Variants in SANBR observed in about 807,000 individuals in gnomAD.
SANBR encodes the protein SANT and BTB domain regulator of class switch recombination.
SANBR carries 77 observed loss-of-function variants against 101.8 expected under a neutral mutation model. That is an observed-to-expected ratio of 0.76 (90% CI 0.63 to 0.91). SANBR has a LOEUF of 0.91. SANBR is among the 40% of genes least tolerant of loss of function. The probability of loss-of-function intolerance (pLI) is 0.00; values close to 1 mark genes in which losing one functional copy is unlikely to be tolerated. For missense variants in SANBR, 875 were observed against 853.0 expected (o/e 1.03, Z -0.32); for synonymous variants, 279 against 274.7 (o/e 1.02, Z -0.15).
At chr2:61,134,153 C>T (rs1684773141) in exon 21 of SANBR, 1 of 1,613,852 alleles carries the variant, frequency 6.2e-7, no homozygotes, top group African/African-American at 1.3e-5. Flanking sequence ...AAACTGAGAC[C>T]CAGAGACGGC....
At position 61,083,160 on chromosome 2, in the gene SANBR, C is replaced by T. The variant is rs762864081; in HGVS notation, c.736C>T (p.Gln246Ter). Residue 246 changes from glutamine (Q) to a stop codon, truncating the protein, a stop_gained, in exon 8 of 22, where the codon CAG becomes TAG. Transcript: ENST00000402291. LOFTEE classifies it high-confidence loss of function. ...EFLKMDSLVE[Q>*]CIQYCHKNMN... ...ATTTTCTATGATTTTTTAGGTTGAA[C>T]AGTGTATTCAGTATTGCCACAAAAA... is the stretch of plus-strand genomic sequence containing the variant. The T allele has an allele frequency of 1.9e-6, 3 of 1,604,988 alleles. No homozygotes were observed. Among genetic ancestry groups the T allele is most frequent in the East Asian group, 4.5e-5 (2 of 44,750 alleles).
At chr2:61,115,804 C>T in intron 16 of SANBR, 175 bp from the exon 17 acceptor site, 1 of 465,330 alleles carries the variant, frequency 2.1e-6, no homozygotes, top group Non-Finnish European at 3.9e-6. Flanking sequence ...AGCTTATGAA[C>T]CCCTGTAAAG....
chr2:61,097,616 C>A, intron 11 of SANBR, 84 bp from the exon 12 acceptor site: 1 of 1,027,590 alleles, frequency 9.7e-7, no homozygotes, highest in Non-Finnish European at 1.4e-6. Context: ...AAAAATGGAA[C>A]ATATAATATT....
chr2:61,073,538 G>C lies in SANBR; in HGVS notation c.418G>C (p.Glu140Gln). ...TACTCATAATGGTGGAGAAATGACT[G>C]AAGAATCTGAAGGGTAGGCGGCTGG... ...CTTHNGGEMT[E>Q]ESEGPNMVIH... Residue 140 changes from glutamate to glutamine, a missense_variant, in exon 5 of 22, where the codon GAA (glutamate) becomes CAA (glutamine). Glu to Gln is a conservative substitution (Grantham distance 29). Transcript: ENST00000402291. 1 of 1,563,600 alleles carries C rather than the reference G, an allele frequency of 6.4e-7. No individual in the cohort carries two copies. Among genetic ancestry groups the C allele is most frequent in the African/African-American group, 1.4e-5 (1 of 73,328 alleles).
intron 16 of SANBR, among the ~76,000 whole-genome samples, chr2:61,114,482 T>C (rs987572834): frequency 6.6e-6 from 1 of 152,218 alleles, no homozygotes; most frequent in African/African-American, 2.4e-5. Context: ...CAAAGAGGAT[T>C]AGGCTGCCTT....
At chr2:61,126,224 G>T (rs1303025918), downstream of SANBR, among the ~76,000 whole-genome samples, 1 of 152,122 alleles carries the variant, frequency 6.6e-6, no homozygotes, top group Admixed American at 6.5e-5. Context: ...CAAATATCTA[G>T]AAAGTATTCC....
intron 12 of SANBR, among the ~76,000 whole-genome samples, chr2:61,100,133 G>C (rs954674987): frequency 6.6e-6 from 1 of 152,140 alleles, no homozygotes; most frequent in East Asian, 1.9e-4. Context: ...TTGAGAAGGA[G>C]TCTCGCTGTT....
At chr2:61,117,319 G>A in intron 17 of SANBR, 38 bp from the exon 18 acceptor site, 1 of 1,591,764 alleles carries the variant, frequency 6.3e-7, no homozygotes, top group Non-Finnish European at 8.6e-7. Flanking sequence ...CAGTAAACAT[G>A]TTCTAATTGG....
intron 19 of SANBR, 32 bp from the exon 20 acceptor site, chr2:61,117,996 A>G: frequency 6.5e-7 from 1 of 1,536,144 alleles, no homozygotes; most frequent in South Asian, 1.1e-5. Flanking sequence ...CATCCTTATG[A>G]AAAGTAAAGT....
intron 20 of SANBR, among the ~76,000 whole-genome samples, chr2:61,118,887 A>G (rs536509639): frequency 2.6e-5 from 4 of 152,154 alleles, no homozygotes; most frequent in African/African-American, 9.6e-5. Flanking sequence ...TATATTCTGT[A>G]TCAGTTAGCC....
Position 61,122,199 on chromosome 2 carries a change from T to G in SANBR, c.*37T>G. Reference sequence around the variant, plus strand: ...ATATAAGTAAAAAGAGAGAAGGCACTCTTCTGGACATCTGAAATTGCTCAC... The same window carrying G: ...ATATAAGTAAAAAGAGAGAAGGCACGCTTCTGGACATCTGAAATTGCTCAC... On this transcript the variant is annotated 3_prime_UTR_variant, in exon 22 of 22. Coordinates refer to ENST00000402291, the MANE Select transcript of SANBR (RefSeq NM_001129993.3). 2.6e-6 allele frequency: 4 copies of G among 1,529,004 alleles called. No homozygotes were observed. The highest frequency in any genetic ancestry group is 3.5e-6 in the Non-Finnish European group (4 of 1,136,896). 94.7% of individuals were successfully genotyped at this position (1,529,004 alleles called of 1,614,324 possible).
chr2:61,120,098 A>G (rs1313619299), intron 20 of SANBR, among the ~76,000 whole-genome samples: 2 of 152,212 alleles, frequency 1.3e-5, no homozygotes, highest in African/African-American at 2.4e-5. Flanking sequence ...TTCCCTCACC[A>G]TACAGATCAA....
intron 12 of SANBR, among the ~76,000 whole-genome samples, chr2:61,102,771 C>T (rs1410179483): frequency 6.6e-6 from 1 of 151,954 alleles, no homozygotes; most frequent in Non-Finnish European, 1.5e-5. Context: ...CTCTTAGCCT[C>T]AAGTGATCTG....
intron 9 of SANBR, 52 bp from the exon 10 acceptor site, chr2:61,088,306 C>A: frequency 6.4e-7 from 1 of 1,565,674 alleles, no homozygotes; most frequent in South Asian, 1.2e-5. Flanking sequence ...CTTTAATTTA[C>A]TACATTTACA....
At position 61,092,518 on chromosome 2, in the gene SANBR, A is replaced by G. The variant is rs1297315890; in HGVS notation, c.1143A>G (p.Lys381=). The G allele has an allele frequency of 6.2e-7, 1 of 1,606,828 alleles. No individual in the cohort carries two copies. The highest frequency in any genetic ancestry group is 8.5e-7 in the Non-Finnish European group (1 of 1,176,540). Residue 381 remains lysine, a synonymous_variant, in exon 11 of 22, where the codon AAA becomes AAG. Coordinates refer to ENST00000402291, the MANE Select transcript of SANBR (RefSeq NM_001129993.3). ...TGAATAGTCTTTTCGAAGAATTAAA[A>G]TCTTGGAGAGATGTATACTGGCGAT... ...EYLNSLFEEL[K]SWRDVYWRLW... is the part of the protein sequence containing the mutation.
chr2:61,134,132 T>C (rs75058613), intron 20 of SANBR: 1 of 1,614,118 alleles, frequency 6.2e-7, no homozygotes, highest in South Asian at 1.1e-5. Flanking sequence ...TCTGCTTTTT[T>C]ACAGACAGAC....
At chr2:61,103,770 T>C in intron 12 of SANBR, 83 bp from the exon 13 acceptor site, 1 of 1,288,650 alleles carries the variant, frequency 7.8e-7, no homozygotes. Context: ...CAATATGACT[T>C]GGCAAAGAAA....
At chr2:61,106,782 A>G (rs531724728) in intron 14 of SANBR, 120 bp downstream of exon 14, 2 of 594,324 alleles carry the variant, frequency 3.4e-6, no homozygotes, top group South Asian at 2.6e-5. Context: ...ATAAGAAGGT[A>G]TTATGCCTAG....
intron 11 of SANBR, chr2:61,094,145 A>C (rs980710226): frequency 1.5e-5 from 13 of 840,884 alleles, no homozygotes; most frequent in African/African-American, 1.8e-5. Flanking sequence ...GGTTTGTTGA[A>C]GTATTATATA....
Sources: allele counts gnomAD v4.1 joint callset (sites outside exome capture counted in the v4.1 genomes callset), GRCh38; gene constraint gnomAD v4.1.1; transcripts MANE v1.5; gene names NCBI Gene and HGNC (gene_info 2026-07-23, HGNC 2026-07-21).